The following SEMA5A variants were observed in gnomAD, a reference collection of about 807,000 sequenced individuals.
SEMA5A encodes the protein semaphorin-5A.
A neutral mutation model predicts 135.5 loss-of-function variants in SEMA5A; 55 were observed. The ratio of observed to expected loss-of-function variants is 0.41; its 90% CI spans 0.33 to 0.51. SEMA5A has a LOEUF of 0.51. Ranked by LOEUF, SEMA5A falls within the 20% of genes least tolerant of loss-of-function variation. The probability of loss-of-function intolerance (pLI) is 0.37; values close to 1 mark genes in which losing one functional copy is unlikely to be tolerated. For missense variants in SEMA5A, 1,290 were observed against 1,419.9 expected, an observed-to-expected ratio of 0.91 and a Z score of 1.47; for synonymous variants, 580 against 546.5, an observed-to-expected ratio of 1.06 and a Z score of -0.85.
intron 1 of SEMA5A, among the ~76,000 whole-genome samples, chr5:9,537,505 A>G (rs1301520997): frequency 2.0e-5 from 3 of 152,226 alleles, no homozygotes; most frequent in African/African-American, 7.2e-5. Context: ...CCCCACTGCC[A>G]TCTAATCAGC....
chr5:9,060,105 G>C (rs73043646), intron 18 of SEMA5A, among the ~76,000 whole-genome samples: 1,808 of 152,200 alleles, frequency 0.012, 38 homozygotes, highest in African/African-American at 0.04. Flanking sequence ...TCCCAGGCAG[G>C]GGAAGCACCA....
chr5:9,413,998 T>C (rs540040194), intron 2 of SEMA5A, among the ~76,000 whole-genome samples: 21 of 152,270 alleles, frequency 1.4e-4, no homozygotes, highest in Admixed American at 1.2e-3. Context: ...GAACAGAACA[T>C]TTCCTAACTT....
Position 9,051,918 on chromosome 5 carries a change from T to C in SEMA5A, c.2800A>G (p.Thr934Ala). 2 of 1,614,206 alleles carry C rather than the reference T, an allele frequency of 1.2e-6. No individual in the cohort carries two copies. The highest frequency in any genetic ancestry group is 1.7e-6 in the Non-Finnish European group (2 of 1,180,046). ...AACACACACGGCCGGCTCTCCGTGG[T>C]GTTCCCGGAGCACTGGCTGCCCATG... is the stretch of plus-strand genomic sequence containing the variant. Reference protein sequence around the residue: ...FPMGSQCSGNTTESRPCVFDS... With the variant: ...FPMGSQCSGNATESRPCVFDS... Residue 934 changes from threonine (T) to alanine (A), a missense_variant, in exon 20 of 23, where the codon ACC becomes GCC. This residue lies in a region of SEMA5A where 1,029 missense variants were observed against 1,086.6 expected (regional missense o/e 0.95). Transcript: ENST00000382496.
At chr5:9,129,848 A>T (rs1741312978) in intron 13 of SEMA5A, among the ~76,000 whole-genome samples, 1 of 152,186 alleles carries the variant, frequency 6.6e-6, no homozygotes, top group Admixed American at 6.5e-5. Flanking sequence ...CATTCTACAG[A>T]TATGAAATGG....
In SEMA5A at chr5:9,201,333, C is replaced by T. The variant is rs180944789; in HGVS notation, c.932+622G>A. Among the ~76,000 whole-genome samples, 5 of 152,072 alleles carry T rather than the reference C, an allele frequency of 3.3e-5. No homozygotes were observed. The South Asian group carries it at 6.2e-4, about 19-fold the overall frequency. ...GAAAACTTCATAAGCTTAAGACAGC[C>T]GAAATATTGTTCATTCTAAAGTTAG... is the stretch of plus-strand genomic sequence containing the variant. On this transcript the variant is annotated intron_variant, in intron 9 of 22. Coordinates refer to ENST00000382496, the MANE Select transcript of SEMA5A (RefSeq NM_003966.3).
intron 4 of SEMA5A, among the ~76,000 whole-genome samples, chr5:9,331,697 T>C (rs1401965787): frequency 6.6e-6 from 1 of 152,242 alleles, no homozygotes; most frequent in Non-Finnish European, 1.5e-5. Context: ...GGAGAGCTGC[T>C]GGAAGTCTGG....
intron 8 of SEMA5A, among the ~76,000 whole-genome samples, chr5:9,206,966 C>T (rs969631572): frequency 6.8e-6 from 1 of 147,838 alleles, no homozygotes; most frequent in African/African-American, 2.5e-5. Flanking sequence ...CAGGCATTTT[C>T]CAGCCTGACT....
chr5:9,370,778 G>A (rs1755103774), intron 3 of SEMA5A, among the ~76,000 whole-genome samples: 1 of 152,102 alleles, frequency 6.6e-6, no homozygotes, highest in South Asian at 2.1e-4. Context: ...AACCAAGGTG[G>A]CTTACCTTGT....
chr5:9,119,243 G>A (rs984874807), intron 14 of SEMA5A, 102 bp from the exon 15 acceptor site: 10 of 1,370,356 alleles, frequency 7.3e-6, no homozygotes, highest in Non-Finnish European at 9.1e-6. Flanking sequence ...GGAGGATCAC[G>A]CTTGGGGCTG....
chr5:9,303,284 T>C (rs1485702253), intron 5 of SEMA5A, among the ~76,000 whole-genome samples: 3 of 151,946 alleles, frequency 2.0e-5, no homozygotes, highest in African/African-American at 2.4e-5. Context: ...GCCCGGCTAA[T>C]TTTTTGTATT....
At chr5:9,383,850 G>A (rs1257496201) in intron 2 of SEMA5A, among the ~76,000 whole-genome samples, 1 of 152,084 alleles carries the variant, frequency 6.6e-6, no homozygotes, top group African/African-American at 2.4e-5. Context: ...TGAATGAAAG[G>A]AAGAGAAAAA....
chr5:9,529,971 G>A (rs1475997689), intron 1 of SEMA5A, among the ~76,000 whole-genome samples: 6 of 152,174 alleles, frequency 3.9e-5, no homozygotes, highest in African/African-American at 7.2e-5. Context: ...AAGGTGTCAC[G>A]TGGAAATAGC....
In SEMA5A at chr5:9,468,880, G is replaced by A. The variant is rs564088418; in HGVS notation, c.-174-31028C>T. Among the ~76,000 whole-genome samples the A allele has an allele frequency of 4.6e-5, 7 of 152,248 alleles. No individual in the cohort carries two copies. The East Asian group carries it at 5.8e-4, about 13-fold the overall frequency. On this transcript the variant is annotated intron_variant, in intron 1 of 22. Coordinates refer to ENST00000382496, the MANE Select transcript of SEMA5A (RefSeq NM_003966.3). ...ATATTTAAAGCATTTCATACCTACC[G>A]TCACATTGTTCTCCATAATATTCTA...
intron 16 of SEMA5A, among the ~76,000 whole-genome samples, chr5:9,077,139 T>G (rs1738112628): frequency 6.6e-6 from 1 of 152,126 alleles, no homozygotes; most frequent in African/African-American, 2.4e-5. Flanking sequence ...GCAAAACATC[T>G]TTAAATGCTT....
At chr5:9,251,304 G>A (rs530697134) in intron 5 of SEMA5A, among the ~76,000 whole-genome samples, 1 of 152,188 alleles carries the variant, frequency 6.6e-6, no homozygotes, top group Admixed American at 6.5e-5. Context: ...CAGAAAAAGT[G>A]CTAGACATCA....
intron 11 of SEMA5A, among the ~76,000 whole-genome samples, chr5:9,188,034 G>T (rs552667271): frequency 6.6e-6 from 1 of 152,316 alleles, no homozygotes; most frequent in Non-Finnish European, 1.5e-5. Context: ...TGTCCCCCCA[G>T]GATTCATATG....
At chr5:9,447,606 A>G (rs932879255) in intron 1 of SEMA5A, among the ~76,000 whole-genome samples, 13 of 152,176 alleles carry the variant, frequency 8.5e-5, no homozygotes, top group Admixed American at 7.9e-4. Flanking sequence ...CATGTTTTAT[A>G]GAGGACTTAA....
intron 3 of SEMA5A, among the ~76,000 whole-genome samples, chr5:9,340,123 T>G (rs1753578537): frequency 6.6e-6 from 1 of 152,154 alleles, no homozygotes; most frequent in South Asian, 2.1e-4. Context: ...TTTCCAATGG[T>G]AGGTTGGCCC....
chr5:9,383,749 G>A (rs1755714201), intron 2 of SEMA5A, among the ~76,000 whole-genome samples: 1 of 152,188 alleles, frequency 6.6e-6, no homozygotes, highest in African/African-American at 2.4e-5. Flanking sequence ...ATCCAGACCT[G>A]CTTGTGACCG....
Sources: gnomAD v4.1 joint callset for allele counts (sites outside exome capture counted in the v4.1 genomes callset) on GRCh38, gnomAD v4.1.1 for gene constraint, gnomAD v4.1.1 regional missense constraint, MANE v1.5 for transcripts, NCBI Gene and HGNC (gene_info 2026-07-23, HGNC 2026-07-21) for gene names.